The following ULK4 variants were observed in gnomAD, a reference collection of about 807,000 sequenced individuals.
ULK4 encodes unc-51 like kinase 4, also known as inactive serine/threonine-protein kinase ULK4.
A neutral mutation model predicts 160.6 loss-of-function variants in ULK4; 133 were observed. The ratio of observed to expected loss-of-function variants is 0.83; its 90% CI spans 0.72 to 0.96. The LOEUF (loss-of-function observed/expected upper bound fraction) is 0.96. Ranked by LOEUF, ULK4 falls within the 40% of genes least tolerant of loss-of-function variation. ULK4 has a pLI of 0.00. For synonymous variants in ULK4, 534 were observed against 539.8 expected, an observed-to-expected ratio of 0.99 and a Z score of 0.15; for missense variants, 1,580 against 1,499.5, an observed-to-expected ratio of 1.05 and a Z score of -0.89.
rs1439395745 is a variant in ULK4 at position 41,337,594 on chromosome 3, T to C, written c.3678+60485A>G. ...ATGCAAGCACATGCATGCACATATA[T>C]ATAGAATTCTAAGGTCCTGGGGCCC... is the stretch of plus-strand genomic sequence containing the variant. On this transcript the variant is annotated intron_variant, in intron 35 of 36. Transcript: ENST00000301831. Among the ~76,000 whole-genome samples the C allele has an allele frequency of 1.6e-4, 24 of 152,160 alleles. 1 individual carries two copies. Among genetic ancestry groups the C allele is most frequent in the Admixed American group, 1.6e-3 (24 of 15,278 alleles).
intron 22 of ULK4, among the ~76,000 whole-genome samples, chr3:41,723,963 C>T (rs2037561569): frequency 6.6e-6 from 1 of 152,164 alleles, no homozygotes; most frequent in Admixed American, 6.5e-5. Context: ...TGCTAAAGTT[C>T]ACATTAAAAA....
intron 35 of ULK4, among the ~76,000 whole-genome samples, chr3:41,357,696 C>T (rs2081055379): frequency 6.6e-6 from 1 of 152,168 alleles, no homozygotes; most frequent in African/African-American, 2.4e-5. Flanking sequence ...GGTAACAGCT[C>T]AGCATAGGTA....
intron 32 of ULK4, among the ~76,000 whole-genome samples, chr3:41,539,320 T>G: frequency 6.6e-6 from 1 of 152,156 alleles, no homozygotes; most frequent in South Asian, 2.1e-4. Context: ...AAACTGTATT[T>G]GTAAAAAGCA....
At chr3:41,565,898 A>G (rs1408668816) in intron 32 of ULK4, 127 bp downstream of exon 32, 6 of 657,090 alleles carry the variant, frequency 9.1e-6, no homozygotes, top group South Asian at 2.3e-5. Flanking sequence ...TGCTAGTAAT[A>G]TTACTTGAAA....
At chr3:41,860,415 A>G (rs2125683292) in intron 17 of ULK4, among the ~76,000 whole-genome samples, 1 of 152,270 alleles carries the variant, frequency 6.6e-6, no homozygotes, top group South Asian at 2.1e-4. Flanking sequence ...TGTTGGGTAC[A>G]TATATATTTT....
chr3:41,429,445 C>A (rs1272731296), intron 34 of ULK4, among the ~76,000 whole-genome samples: 1 of 152,164 alleles, frequency 6.6e-6, no homozygotes, highest in East Asian at 1.9e-4. Context: ...AAGATACATG[C>A]ACATGTGTAT....
At position 41,398,137 on chromosome 3, in the gene ULK4, A is replaced by G. The variant is rs776360482; in HGVS notation, c.3620T>C (p.Leu1207Pro). Residue 1207 changes from leucine (L) to proline (P), a missense_variant, in exon 35 of 37, where the codon CTG becomes CCG. Transcript: ENST00000301831. ...CTCCTTTGGGTCCTCCTTGGATGTC[A>G]GTAAATGAGCAAAAATTTCCACATT... ...PENVEIFAHL[L>P]TSKEDPKEQK... 1.9e-6 allele frequency: 3 copies of G among 1,613,528 alleles called. No individual in the cohort carries two copies. The Admixed American group carries it at 5.0e-5, about 27-fold the overall frequency.
chr3:41,362,805 G>A (rs1350661385), intron 35 of ULK4, among the ~76,000 whole-genome samples: 2 of 152,282 alleles, frequency 1.3e-5, no homozygotes, highest in African/African-American at 4.8e-5. Context: ...ATTAACAGTC[G>A]GTGACAATAA....
intron 18 of ULK4, among the ~76,000 whole-genome samples, chr3:41,830,091 A>T (rs1156821791): frequency 6.6e-6 from 1 of 152,122 alleles, no homozygotes; most frequent in African/African-American, 2.4e-5. Context: ...GTGGGAATTG[A>T]ACAACGAGAA....
intron 30 of ULK4, among the ~76,000 whole-genome samples, chr3:41,623,435 T>A: frequency 6.6e-6 from 1 of 152,240 alleles, no homozygotes; most frequent in East Asian, 1.9e-4. Context: ...TGCAGCATTA[T>A]CCATAATAGA....
chr3:41,694,549 C>T (rs181512615), intron 27 of ULK4, among the ~76,000 whole-genome samples: 225 of 152,242 alleles, frequency 1.5e-3, no homozygotes, highest in African/African-American at 5.1e-3. Context: ...ATAAGGAATG[C>T]TGAGTATAGT....
intron 7 of ULK4, 90 bp from the exon 8 acceptor site, chr3:41,916,142 T>A: frequency 2.5e-6 from 2 of 813,344 alleles, no homozygotes; most frequent in East Asian, 5.8e-5. Context: ...TTTAAAGCAA[T>A]AGTATTTTAA....
chr3:41,884,529 A>G (rs17217746), intron 16 of ULK4, among the ~76,000 whole-genome samples: 18,910 of 152,240 alleles, frequency 0.12, 1,360 homozygotes, highest in Middle Eastern at 0.27. Flanking sequence ...ATTCAATGTG[A>G]TTTGAAAAGG....
intron 20 of ULK4, 133 bp from the exon 21 acceptor site, chr3:41,789,976 A>G: frequency 2.5e-6 from 2 of 786,334 alleles, no homozygotes; most frequent in Non-Finnish European, 3.6e-6. Flanking sequence ...TTTTGGCACA[A>G]GAAAGTTGGC....
intron 17 of ULK4, among the ~76,000 whole-genome samples, chr3:41,845,259 C>T (rs550472078): frequency 3.3e-5 from 5 of 152,214 alleles, no homozygotes; most frequent in East Asian, 1.9e-4. Flanking sequence ...CCACCGCAGC[C>T]GGCCGACCCA....
At chr3:41,721,391 TCTCA>T (rs2037467769) in intron 22 of ULK4, among the ~76,000 whole-genome samples, 1 of 120,060 alleles carries the variant, frequency 8.3e-6, no homozygotes, top group Non-Finnish European at 1.7e-5. Flanking sequence ...TGAAACGGAA[TCTCA>T]CTCTGTCACC....
chr3:41,733,559 AAATT>A (rs2037907628), intron 22 of ULK4, among the ~76,000 whole-genome samples: 1 of 151,966 alleles, frequency 6.6e-6, no homozygotes, highest in South Asian at 2.1e-4. Flanking sequence ...CTATAATAAT[AAATT>A]AAATATTTAT....
chr3:41,292,592 A>C (rs2079592164), intron 35 of ULK4, among the ~76,000 whole-genome samples: 1 of 151,044 alleles, frequency 6.6e-6, no homozygotes, highest in South Asian at 2.1e-4. Context: ...AGTTTCAGTA[A>C]GCTGAGATCA....
At chr3:41,923,980 C>G (rs1258214435) in intron 5 of ULK4, among the ~76,000 whole-genome samples, 1 of 152,154 alleles carries the variant, frequency 6.6e-6, no homozygotes, top group African/African-American at 2.4e-5. Context: ...TATCTTTACA[C>G]AGGAAATTAA....
Sources: gnomAD v4.1 joint callset for allele counts (sites outside exome capture counted in the v4.1 genomes callset) on GRCh38, gnomAD v4.1.1 for gene constraint, MANE v1.5 for transcripts, NCBI Gene and HGNC (gene_info 2026-07-23, HGNC 2026-07-21) for gene names.